Variants in PLEKHB1 observed in about 807,000 individuals in gnomAD.
PLEKHB1 encodes pleckstrin homology domain-containing family B member 1.
A neutral mutation model predicts 36.2 loss-of-function variants in PLEKHB1; 29 were observed. The ratio of observed to expected loss-of-function variants is 0.80; its 90% CI spans 0.60 to 1.09. PLEKHB1 has a LOEUF of 1.09. Ranked by LOEUF, PLEKHB1 falls within the 50% of genes least tolerant of loss-of-function variation. The probability of loss-of-function intolerance (pLI) is 0.00; values close to 1 mark genes in which losing one functional copy is unlikely to be tolerated. For missense variants in PLEKHB1, 330 were observed against 348.2 expected, an observed-to-expected ratio of 0.95 and a Z score of 0.42; for synonymous variants, 138 against 140.0, an observed-to-expected ratio of 0.99 and a Z score of 0.10.
chr11:73,661,112 G>A lies in PLEKHB1; in HGVS notation c.595+260G>A, dbSNP rs1945106484. Among the ~76,000 whole-genome samples the A allele has an allele frequency of 6.6e-6, 1 of 152,242 alleles. No homozygotes were observed. The highest frequency in any genetic ancestry group is 2.1e-4 in the South Asian group (1 of 4,838). On this transcript the variant is annotated intron_variant, in intron 7 of 7. Transcript: ENST00000354190. The surrounding 1 kb of genome is among the most constrained non-coding windows in gnomAD (Gnocchi z 4.6). The stretch of plus-strand genomic sequence containing the variant: ...AATACCCATTCCTGAGCCGGTAGCG[G>A]CCCCTGGTGGCTACTGCGGGAATGC...
At chr11:73,647,903 C>A in intron 1 of PLEKHB1, 1 of 984,626 alleles carries the variant, frequency 1.0e-6, no homozygotes, top group Non-Finnish European at 1.2e-6. Context: ...CAGGTGTGAG[C>A]AGGTGGGGGA....
chr11:73,661,747 A>G lies in PLEKHB1; in HGVS notation c.*145A>G. 1 of 996,280 alleles carries G rather than the reference A, an allele frequency of 1.0e-6. No homozygotes were observed. The highest frequency in any genetic ancestry group is 1.7e-5 in the South Asian group (1 of 58,840). The allele number at this position is 996,280 out of a possible 1,614,324, so 61.7% of individuals were successfully genotyped here. ...CTTCCGGGTTTGGACCATTCCCCCC[A>G]CTCCCTACCCTTAATCCCCACATGG... On this transcript the variant is annotated 3_prime_UTR_variant, in exon 8 of 8. Transcript: ENST00000354190. The surrounding 1 kb of genome is among the most constrained non-coding windows in gnomAD (Gnocchi z 4.6).
In PLEKHB1 at chr11:73,650,623, C is replaced by T. The variant is rs779574929; in HGVS notation, c.165C>T (p.His55=). Residue 55 remains histidine, a synonymous_variant, in exon 3 of 8, where the codon CAC becomes CAT. Coordinates refer to ENST00000354190, the MANE Select transcript of PLEKHB1 (RefSeq NM_021200.3). Reference sequence around the variant, plus strand: ...TGGACGGGACCCTGGGATACTACCACGATGAGACAGCGCAGGACGAGGAGG... The same window carrying T: ...TGGACGGGACCCTGGGATACTACCATGATGAGACAGCGCAGGACGAGGAGG... ...LWLDGTLGYY[H]DETAQDEEDR... is the part of the protein sequence containing the mutation. 17 of 1,613,254 alleles carry T rather than the reference C, an allele frequency of 1.1e-5. No homozygotes were observed. The highest frequency in any genetic ancestry group is 6.7e-5 in the East Asian group (3 of 44,860).
chr11:73,648,931 C>A (rs1944825287), intron 1 of PLEKHB1, 81 bp from the exon 2 acceptor site: 1 of 1,520,144 alleles, frequency 6.6e-7, no homozygotes, highest in Non-Finnish European at 8.8e-7. Flanking sequence ...TCCTGGGTGG[C>A]TCCCCAGGGA....
intron 5 of PLEKHB1, among the ~76,000 whole-genome samples, chr11:73,655,555 G>C (rs1049481664): frequency 1.3e-5 from 2 of 152,210 alleles, no homozygotes; most frequent in African/African-American, 4.8e-5. Context: ...ATGAAATAGG[G>C]GAGGGTGGGC....
rs188563879 is a variant in PLEKHB1 at position 73,650,085 on chromosome 11, C to T, written c.95-468C>T. 1.7e-4 allele frequency among the ~76,000 whole-genome samples: 26 copies of T among 152,260 alleles called. No individual in the cohort carries two copies. In the East Asian group the frequency reaches 2.3e-3, roughly 14 times the overall value. ...TAAAAATTAGCCAGGTGCAGTGGTG[C>T]GTGCCTGATGTTCCAGCTATTTGGG... On this transcript the variant is annotated intron_variant, in intron 2 of 7. Coordinates refer to ENST00000354190, the MANE Select transcript of PLEKHB1 (RefSeq NM_021200.3).
intron 2 of PLEKHB1, among the ~76,000 whole-genome samples, chr11:73,650,208 C>T (rs1944859207): frequency 6.6e-6 from 1 of 152,180 alleles, no homozygotes; most frequent in Admixed American, 6.5e-5. Flanking sequence ...GAGCAAGACC[C>T]TGTCTCAAAG....
In PLEKHB1 at chr11:73,649,017, G is replaced by A. The variant is rs761597650; in HGVS notation, c.24G>A (p.Pro8=). MSPAAPV[P]PDSALESPFE... is the part of the protein sequence containing the mutation. The stretch of plus-strand genomic sequence containing the variant: ...TCCCGTGGCTCCTCTGACAGGTCCC[G>A]CCTGACTCCGCTCTGGAAAGTCCTT... The change falls in exon 2 of 8, where the codon CCG becomes CCA. Residue 8 remains proline (P), a synonymous_variant. Coordinates refer to ENST00000354190, the MANE Select transcript of PLEKHB1 (RefSeq NM_021200.3). 58 of 1,592,688 alleles carry A rather than the reference G, an allele frequency of 3.6e-5. No individual in the cohort carries two copies. Among genetic ancestry groups the A allele is most frequent in the Admixed American group, 8.8e-5 (5 of 56,676 alleles).
chr11:73,653,812 G>A (rs1436576172), intron 5 of PLEKHB1, among the ~76,000 whole-genome samples: 1 of 152,152 alleles, frequency 6.6e-6, no homozygotes, highest in Admixed American at 6.5e-5. Context: ...GGGTAAGGAG[G>A]GAAGGAGGGT....
At chr11:73,655,975 A>G (rs1210852647) in intron 6 of PLEKHB1, 68 bp downstream of exon 6, 2 of 1,307,578 alleles carry the variant, frequency 1.5e-6, no homozygotes, top group Non-Finnish European at 2.2e-6. Flanking sequence ...AACCAGGCCC[A>G]GTCCATCCCT....
At chr11:73,654,487 G>C (rs1366951035) in intron 5 of PLEKHB1, among the ~76,000 whole-genome samples, 1 of 152,206 alleles carries the variant, frequency 6.6e-6, no homozygotes, top group East Asian at 1.9e-4. Context: ...AACCCTGGCA[G>C]GGCAGCTGGG....
chr11:73,660,320 C>T (rs144307967), intron 6 of PLEKHB1: 3,124 of 180,134 alleles, frequency 0.017, 47 homozygotes, highest in Middle Eastern at 0.029. Flanking sequence ...CTTCTCATCC[C>T]TATCCTTCCT....
intron 1 of PLEKHB1, chr11:73,647,876 C>T (rs1944799394): frequency 2.0e-6 from 2 of 979,872 alleles, no homozygotes; most frequent in Admixed American, 6.2e-5. Flanking sequence ...GGTGTGCCAG[C>T]CCTTGTTACG....
At chr11:73,649,209 C>A in intron 2 of PLEKHB1, 122 bp downstream of exon 2, 1 of 1,229,158 alleles carries the variant, frequency 8.1e-7, no homozygotes, top group South Asian at 1.5e-5. Context: ...TTTGTCCATG[C>A]TCTTCCCTCT....
chr11:73,651,654 T>C (rs1171920209), intron 3 of PLEKHB1, 134 bp from the exon 4 acceptor site: 5 of 699,720 alleles, frequency 7.1e-6, no homozygotes, highest in Non-Finnish European at 1.3e-5. Context: ...TCAGAGAGTA[T>C]ATGGGATCAG....
At chr11:73,658,723 C>A (rs1441864315) in intron 6 of PLEKHB1, among the ~76,000 whole-genome samples, 1 of 152,172 alleles carries the variant, frequency 6.6e-6, no homozygotes, top group South Asian at 2.1e-4. Context: ...CTCAAGTGAT[C>A]CTTCTGCCTC....
At position 73,661,701 on chromosome 11, in the gene PLEKHB1, C is replaced by T; in HGVS notation, c.*99C>T. 7.0e-7 allele frequency: 1 copy of T among 1,430,054 alleles called. No individual in the cohort carries two copies. Among genetic ancestry groups the T allele is most frequent in the Non-Finnish European group, 9.3e-7 (1 of 1,073,104 alleles). 88.6% of individuals were successfully genotyped at this position (1,430,054 alleles called of 1,614,324 possible). A position where few individuals can be genotyped will look rare whatever the true frequency, so the allele number is the denominator to read the frequency against. Reference sequence around the variant, plus strand: ...CCATCCAAGCCCTGTCCCACTTTGGCCCTATCCTCTCCATTAGCTCCTTCC... The same window carrying T: ...CCATCCAAGCCCTGTCCCACTTTGGTCCTATCCTCTCCATTAGCTCCTTCC... On this transcript the variant is annotated 3_prime_UTR_variant, in exon 8 of 8. Transcript: ENST00000354190. The surrounding 1 kb of genome is among the most constrained non-coding windows in gnomAD (Gnocchi z 4.6).
At chr11:73,655,765 C>A (rs1240925812) in intron 5 of PLEKHB1, 38 bp from the exon 6 acceptor site, 1 of 1,585,044 alleles carries the variant, frequency 6.3e-7, no homozygotes, top group Non-Finnish European at 8.7e-7. Flanking sequence ...ACACCCCCTC[C>A]CTCCCTCCTC....
intron 6 of PLEKHB1, among the ~76,000 whole-genome samples, chr11:73,658,370 C>T (rs1945035795): frequency 6.6e-6 from 1 of 152,212 alleles, no homozygotes; most frequent in Admixed American, 6.5e-5. Flanking sequence ...CTTCACCTCT[C>T]AGCCTTTCTT....
Sources: gnomAD v4.1 joint callset for allele counts (sites outside exome capture counted in the v4.1 genomes callset) on GRCh38, gnomAD v4.1.1 for gene constraint, Gnocchi (gnomAD v3.1) non-coding constraint, MANE v1.5 for transcripts, NCBI Gene and HGNC (gene_info 2026-07-23, HGNC 2026-07-21) for gene names.